Variants in FAM222A observed in about 807,000 individuals in gnomAD.
FAM222A encodes the protein protein FAM222A.
FAM222A carries 7 observed loss-of-function variants against 25.8 expected under a neutral mutation model. That is an observed-to-expected ratio of 0.27 (90% CI 0.15 to 0.51). The LOEUF is 0.51. Among genes scored for constraint, FAM222A ranks in the 20% least tolerant of loss-of-function variants. The pLI is 0.97. For synonymous variants in FAM222A, 294 were observed against 298.8 expected, an observed-to-expected ratio of 0.98 and a Z score of 0.17; for missense variants, 573 against 640.5, an observed-to-expected ratio of 0.89 and a Z score of 1.14.
At chr12:109,754,116 C>T (rs1338916739) in intron 2 of FAM222A, among the ~76,000 whole-genome samples, 2 of 152,156 alleles carry the variant, frequency 1.3e-5, no homozygotes, top group Non-Finnish European at 2.9e-5. Flanking sequence ...CAACCATGAT[C>T]GACTACAAAC....
At chr12:109,739,748 G>T (rs1470019760) in intron 1 of FAM222A, among the ~76,000 whole-genome samples, 1 of 152,206 alleles carries the variant, frequency 6.6e-6, no homozygotes, top group Non-Finnish European at 1.5e-5. Context: ...TGGAGCTGCT[G>T]TACAGTGTGG....
In FAM222A at chr12:109,768,439, C is replaced by G. The variant is rs1042677031; in HGVS notation, c.510C>G (p.Pro170=). The G allele has an allele frequency of 1.3e-6, 2 of 1,599,356 alleles. No homozygotes were observed. Among genetic ancestry groups the G allele is most frequent in the Non-Finnish European group, 1.7e-6 (2 of 1,178,712 alleles). Residue 170 remains proline (P), a synonymous_variant, in exon 3 of 3, where the codon CCC becomes CCG. Coordinates refer to ENST00000538780, the MANE Select transcript of FAM222A (RefSeq NM_032829.3). ...CACCTGAGGCGCCTGCTCCACCACCCGGCCTGCCCGCAGCCGCCACTGCCG... is the reference window on the plus strand; with the variant it reads ...CACCTGAGGCGCCTGCTCCACCACCGGGCCTGCCCGCAGCCGCCACTGCCG... The part of the protein sequence containing the change: ...PKPPEAPAPP[P]GLPAAATAAS...
intron 2 of FAM222A, among the ~76,000 whole-genome samples, chr12:109,749,253 T>C (rs1278775426): frequency 6.6e-6 from 1 of 152,088 alleles, no homozygotes; most frequent in Non-Finnish European, 1.5e-5. Flanking sequence ...ATTACAGGCA[T>C]GCACCACCAT....
At chr12:109,728,795 GAC>G (rs569919712) in intron 1 of FAM222A, among the ~76,000 whole-genome samples, 38 of 152,332 alleles carry the variant, frequency 2.5e-4, no homozygotes, top group African/African-American at 8.2e-4. Flanking sequence ...TAGCAGGAGA[GAC>G]AGACACAAAC....
chr12:109,762,557 C>T (rs867148344), intron 2 of FAM222A, among the ~76,000 whole-genome samples: 1 of 152,240 alleles, frequency 6.6e-6, no homozygotes, highest in Non-Finnish European at 1.5e-5. Context: ...CCCGCTGGCT[C>T]ACCCACTTCC....
chr12:109,737,061 T>A (rs183385544), intron 1 of FAM222A, among the ~76,000 whole-genome samples: 1 of 152,268 alleles, frequency 6.6e-6, no homozygotes, highest in East Asian at 1.9e-4. Flanking sequence ...ATTTGACGAT[T>A]CATCAAACAT....
chr12:109,725,478 C>T (rs1887823402), intron 1 of FAM222A, among the ~76,000 whole-genome samples: 1 of 123,434 alleles, frequency 8.1e-6, no homozygotes, highest in Admixed American at 1.1e-4. Flanking sequence ...TCCCTATGCG[C>T]CTTACCAACT....
chr12:109,737,585 T>TAA (rs11311105), intron 1 of FAM222A, among the ~76,000 whole-genome samples: 3 of 138,886 alleles, frequency 2.2e-5, no homozygotes, highest in Admixed American at 7.1e-5. Context: ...CCCCCAACCT[T>TAA]AAAAAAAAAA....
At chr12:109,721,296 C>T (rs112193479) in intron 1 of FAM222A, among the ~76,000 whole-genome samples, 3,260 of 152,280 alleles carry the variant, frequency 0.021, 125 homozygotes, top group African/African-American at 0.074. Context: ...GCCGAGGGGA[C>T]GCTGTTCTGG....
At chr12:109,715,353 GC>G in intron 1 of FAM222A, among the ~76,000 whole-genome samples, 1 of 152,324 alleles carries the variant, frequency 6.6e-6, no homozygotes. Context: ...TGAGAATTGT[GC>G]CCCATGGGGC....
At chr12:109,727,737 A>C (rs1282926280) in intron 1 of FAM222A, among the ~76,000 whole-genome samples, 1 of 152,138 alleles carries the variant, frequency 6.6e-6, no homozygotes, top group African/African-American at 2.4e-5. Flanking sequence ...CCTGGGGTCC[A>C]GGTTTGCAGC....
chr12:109,769,218 A>G lies in FAM222A; in HGVS notation c.1289A>G (p.Tyr430Cys), dbSNP rs1466606364. 2 of 1,612,000 alleles carry G rather than the reference A, an allele frequency of 1.2e-6. No homozygotes were observed. Among genetic ancestry groups the G allele is most frequent in the Admixed American group, 1.7e-5 (1 of 59,920 alleles). ...AAGGAGCAGATGCTGGGCAAGGGCT[A>G]TGAGACGGTGGCCGTGCCCCGGCTA... is the stretch of plus-strand genomic sequence containing the variant. ...CIKEQMLGKG[Y>C]ETVAVPRLLD... The change falls in exon 3 of 3, where the codon TAT becomes TGT. Residue 430 changes from tyrosine to cysteine, a missense_variant. By Grantham distance (194) the Tyr-to-Cys change is radical. Around this residue, in one of 3 missense-constraint regions of FAM222A, gnomAD observed 49 missense variants for 78.9 expected, o/e 0.62. Transcript: ENST00000538780.
intron 1 of FAM222A, among the ~76,000 whole-genome samples, chr12:109,730,942 C>A (rs1199231839): frequency 6.6e-6 from 1 of 152,132 alleles, no homozygotes; most frequent in Non-Finnish European, 1.5e-5. Flanking sequence ...GCTGGGCGGG[C>A]AGTTCACGAG....
intron 1 of FAM222A, among the ~76,000 whole-genome samples, chr12:109,733,221 T>TCC (rs1887989939): frequency 6.6e-6 from 1 of 152,164 alleles, no homozygotes; most frequent in South Asian, 2.1e-4. Flanking sequence ...GTAAAATCCA[T>TCC]CCCAGGTTTC....
At chr12:109,726,119 T>TAAAAAA (rs11464580) in intron 1 of FAM222A, among the ~76,000 whole-genome samples, 2 of 110,380 alleles carry the variant, frequency 1.8e-5, no homozygotes, top group Non-Finnish European at 1.8e-5. Flanking sequence ...AAAAAATTGC[T>TAAAAAA]AAAAAAAAAA....
chr12:109,769,751 AAG>A lies in FAM222A; in HGVS notation c.*464_*465del, dbSNP rs565211115. The A allele has an allele frequency of 5.7e-6, 1 of 175,390 alleles. No individual in the cohort carries two copies. The highest frequency in any genetic ancestry group is 1.2e-5 in the Non-Finnish European group (1 of 83,270). 10.9% of individuals were successfully genotyped at this position (175,390 alleles called of 1,614,324 possible). On this transcript the variant is annotated 3_prime_UTR_variant, in exon 3 of 3. Transcript: ENST00000538780. Reference sequence around the variant, plus strand: ...ACACTGGCTCCCCAGTATTCTGGAAAAGGGGTACAGGAGGCCGATAGGAAGTC... The same window carrying A: ...ACACTGGCTCCCCAGTATTCTGGAAAGGGTACAGGAGGCCGATAGGAAGTC...
chr12:109,717,379 G>A (rs368218658), intron 1 of FAM222A, among the ~76,000 whole-genome samples: 67 of 152,300 alleles, frequency 4.4e-4, no homozygotes, highest in Middle Eastern at 6.8e-3. Flanking sequence ...GCCCCTGGCC[G>A]CCCCAGGGAC....
chr12:109,725,515 C>T (rs1272522177), intron 1 of FAM222A, among the ~76,000 whole-genome samples: 3 of 151,040 alleles, frequency 2.0e-5, no homozygotes, highest in Non-Finnish European at 4.4e-5. Flanking sequence ...GGGCCCCGAG[C>T]GGGGGTTCCA....
At chr12:109,741,901 G>GCCACTCCCTGCCTGGCAGGCCA (rs1888251360) in intron 1 of FAM222A, among the ~76,000 whole-genome samples, 1 of 152,224 alleles carries the variant, frequency 6.6e-6, no homozygotes, top group Non-Finnish European at 1.5e-5. Flanking sequence ...AGTGCACCCA[G>GCCACTCCCTGCCTGGCAGGCCA]CCACTCCCTG....
Sources: allele counts gnomAD v4.1 joint callset (sites outside exome capture counted in the v4.1 genomes callset), GRCh38; gene constraint gnomAD v4.1.1; regional missense constraint gnomAD v4.1.1; transcripts MANE v1.5; gene names NCBI Gene and HGNC (gene_info 2026-07-23, HGNC 2026-07-21).